PIGR: variants seen among roughly 807,000 people sequenced by gnomAD.
The protein encoded by PIGR is hepatocellular carcinoma associated protein TB6.
PIGR carries 22 observed loss-of-function variants against 69.5 expected under a neutral mutation model. That is an observed-to-expected ratio of 0.32 (90% CI 0.23 to 0.45). The LOEUF (loss-of-function observed/expected upper bound fraction) is 0.45. Ranked by LOEUF, PIGR falls within the 20% of genes least tolerant of loss-of-function variation. The pLI, the probability that PIGR is intolerant of heterozygous loss-of-function variation, is 1.00. For synonymous variants in PIGR, 413 were observed against 407.6 expected (o/e 1.01, Z -0.16); for missense variants, 885 against 974.0 (o/e 0.91, Z 1.22).
At chr1:206,941,736 A>G (rs917406497) in intron 1 of PIGR, among the ~76,000 whole-genome samples, 2 of 152,162 alleles carry the variant, frequency 1.3e-5, no homozygotes, top group Non-Finnish European at 2.9e-5. Context: ...GGCTGAGGAG[A>G]GTTGAGGGTC....
rs774458885 is a variant in PIGR, at chr1:206,933,091, A to G, written c.1781T>C (p.Ile594Thr). The change falls in exon 7 of 11, where the codon ATT becomes ACT. Residue 594 changes from isoleucine (I) to threonine (T), a missense_variant. Coordinates refer to ENST00000356495, the MANE Select transcript of PIGR (RefSeq NM_002644.4). ...GGGATCCTGAATGGCTTTGTTCTCA[A>G]TCTCCCGAAAACCAGAGTCTAGCAC... Reference protein sequence around the residue: ...EKVLDSGFREIENKAIQDPRL... With the variant: ...EKVLDSGFRETENKAIQDPRL... 1.2e-6 allele frequency: 2 copies of G among 1,614,032 alleles called. No individual in the cohort carries two copies. The highest frequency in any genetic ancestry group is 1.1e-5 in the South Asian group (1 of 91,064).
At chr1:206,934,814 T>C in intron 5 of PIGR, 68 bp from the exon 6 acceptor site, 1 of 1,122,796 alleles carries the variant, frequency 8.9e-7, no homozygotes, top group Non-Finnish European at 1.3e-6. Context: ...GGGAAGTGAC[T>C]CTGGTGGGAA....
chr1:206,930,376 A>G lies in PIGR; in HGVS notation c.2237T>C (p.Phe746Ser). The G allele has an allele frequency of 1.2e-6, 2 of 1,613,012 alleles. No individual in the cohort carries two copies. Among genetic ancestry groups the G allele is most frequent in the Non-Finnish European group, 1.7e-6 (2 of 1,179,496 alleles). Residue 746 changes from phenylalanine to serine, a missense_variant, in exon 11 of 11, where the codon TTC becomes TCC. Phe to Ser is a radical substitution (Grantham distance 155). Transcript: ENST00000356495. This position sits in a 1 kb window ranked among gnomAD's most constrained non-coding sequence, Gnocchi z 4.3. Reference protein sequence around the residue: ...KEEAEMAYKDFLLQSSTVAAE... With the variant: ...KEEAEMAYKDSLLQSSTVAAE... Reference sequence around the variant, plus strand: ...GGCCACGGTGCTGGACTGGAGCAGGAAGTCTTTGTAGGCCATCTCGGCTTC... The same window carrying G: ...GGCCACGGTGCTGGACTGGAGCAGGGAGTCTTTGTAGGCCATCTCGGCTTC...
At chr1:206,934,180 G>A (rs1182471754) in intron 6 of PIGR, among the ~76,000 whole-genome samples, 3 of 152,118 alleles carry the variant, frequency 2.0e-5, no homozygotes, top group Non-Finnish European at 4.4e-5. Context: ...TCTTAATGCC[G>A]AGGTTAAATA....
intron 10 of PIGR, 146 bp downstream of exon 10, chr1:206,931,351 T>A: frequency 6.5e-7 from 1 of 1,544,102 alleles, no homozygotes; most frequent in Non-Finnish European, 8.7e-7. Context: ...CCTCAAAAAG[T>A]CCTGAGGACT....
intron 1 of PIGR, among the ~76,000 whole-genome samples, chr1:206,940,936 G>A (rs757580750): frequency 6.6e-5 from 10 of 152,162 alleles, no homozygotes; most frequent in Non-Finnish European, 1.5e-4. Context: ...CTACCAATAC[G>A]TGGCCCCCAT....
chr1:206,940,556 C>T lies in PIGR; in HGVS notation c.-25G>A. ...TTGCTGGTGGGTCCCGAGCGCCGCACCACTCAGGCCGACTTCTCCTGTGCA... is the reference window on the plus strand; with the variant it reads ...TTGCTGGTGGGTCCCGAGCGCCGCATCACTCAGGCCGACTTCTCCTGTGCA... On this transcript the variant is annotated 5_prime_UTR_variant, in exon 2 of 11. It adds an upstream start codon to the 5' untranslated region. Transcript: ENST00000356495. 6.5e-7 allele frequency: 1 copy of T among 1,547,604 alleles called. No individual in the cohort carries two copies. The highest frequency in any genetic ancestry group is 8.7e-7 in the Non-Finnish European group (1 of 1,145,248).
intron 5 of PIGR, 128 bp from the exon 6 acceptor site, chr1:206,934,874 T>A: frequency 1.8e-6 from 1 of 569,512 alleles, no homozygotes; most frequent in Non-Finnish European, 2.8e-6. Flanking sequence ...TGTTTTTGTT[T>A]TTGAGACAAG....
chr1:206,936,379 A>G (rs2102600010), intron 4 of PIGR, among the ~76,000 whole-genome samples: 1 of 152,290 alleles, frequency 6.6e-6, no homozygotes, highest in East Asian at 1.9e-4. Context: ...GATGCAGGGG[A>G]TTCTGGTGAA....
rs1451433600 is a variant in PIGR, at chr1:206,931,265, A to AGCCTAAT, written c.2199+225_2199+231dup. 21 of 985,306 alleles carry AGCCTAAT rather than the reference A, an allele frequency of 2.1e-5. No individual in the cohort carries two copies. In the African/African-American group the frequency reaches 3.7e-4, roughly 17 times the overall value. The allele number at this position is 985,306 out of a possible 1,614,324, so 61.0% of individuals were successfully genotyped here. A position where few individuals can be genotyped will look rare whatever the true frequency, so the allele number is the denominator to read the frequency against. On this transcript the variant is annotated intron_variant, in intron 10 of 10. Transcript: ENST00000356495. ...GCCTGCCTCTCTCCTGCAGTTTTAC[A>AGCCTAAT]GCCTAATCATATAGCTCACCTCCTT...
Position 206,935,661 on chromosome 1 carries a change from G to A in PIGR, c.1203C>T (p.Ser401=), listed in dbSNP as rs769827919. 11 of 1,613,814 alleles carry A rather than the reference G, an allele frequency of 6.8e-6. No homozygotes were observed. The highest frequency in any genetic ancestry group is 1.6e-4 in the Middle Eastern group (1 of 6,084). Reference sequence around the variant, plus strand: ...CGTACTGGGCCTTAACCCACCCCTCGCTGTCCACCAGCAGGGGGCAGCGGC... The same window carrying A: ...CGTACTGGGCCTTAACCCACCCCTCACTGTCCACCAGCAGGGGGCAGCGGC... ...QNGRCPLLVD[S]EGWVKAQYEG... The change falls in exon 5 of 11, where the codon AGC becomes AGT. Residue 401 remains serine (S), a synonymous_variant. Transcript: ENST00000356495. The surrounding 1 kb of genome is among the most constrained non-coding windows in gnomAD (Gnocchi z 4.4).
At position 206,930,661 on chromosome 1, in the gene PIGR, C is replaced by T. The variant is rs760390237; in HGVS notation, c.2200-248G>A. The T allele has an allele frequency of 2.4e-4, 236 of 985,250 alleles. No individual in the cohort carries two copies. The highest frequency in any genetic ancestry group is 2.5e-4 in the Non-Finnish European group (208 of 829,934). 61.0% of individuals were successfully genotyped at this position (985,250 alleles called of 1,614,324 possible). On this transcript the variant is annotated intron_variant, in intron 10 of 10. Coordinates refer to ENST00000356495, the MANE Select transcript of PIGR (RefSeq NM_002644.4). This position sits in a 1 kb window ranked among gnomAD's most constrained non-coding sequence, Gnocchi z 4.3. ...CTCCTTCTGACACACGGAGTGGAAC[C>T]GCCTCTGTTGCCCGGGCCTGTCCCC... is the stretch of plus-strand genomic sequence containing the variant.
chr1:206,934,905 C>T (rs182640952), intron 5 of PIGR, among the ~76,000 whole-genome samples, 159 bp from the exon 6 acceptor site: 1 of 152,222 alleles, frequency 6.6e-6, no homozygotes, highest in East Asian at 1.9e-4. Context: ...GTCACCCAGG[C>T]TGGAGGGTAG....
chr1:206,934,288 C>A (rs1352998642), intron 6 of PIGR, 132 bp downstream of exon 6: 2 of 717,710 alleles, frequency 2.8e-6, no homozygotes, highest in East Asian at 5.4e-5. Flanking sequence ...CCCCTCCCTT[C>A]CCACTCTCCA....
rs142783924 is a variant in PIGR at position 206,932,488 on chromosome 1, C to G, written c.1976G>C (p.Gly659Ala). 12 of 1,612,896 alleles carry G rather than the reference C, an allele frequency of 7.4e-6. No individual in the cohort carries two copies. In the African/African-American group the frequency reaches 1.3e-4, roughly 18 times the overall value. Residue 659 changes from glycine to alanine, a missense_variant, in exon 8 of 11, where the codon GGG becomes GCG. Transcript: ENST00000356495. ...CTTCCTGTGCCGGGCTCTGGCCACC[C>G]CCACAGCCACGGCTCCCACTGCCAG... ...LVLAVGAVAV[G>A]VARARHRKNV...
Position 206,930,502 on chromosome 1 carries a change from C to A in PIGR, c.2200-89G>T. 6.8e-7 allele frequency: 1 copy of A among 1,473,492 alleles called. No homozygotes were observed. Among genetic ancestry groups the A allele is most frequent in the South Asian group, 1.4e-5 (1 of 71,004 alleles). 91.3% of individuals were successfully genotyped at this position (1,473,492 alleles called of 1,614,324 possible). On this transcript the variant is annotated intron_variant, in intron 10 of 10. Transcript: ENST00000356495. The surrounding 1 kb of genome is among the most constrained non-coding windows in gnomAD (Gnocchi z 4.3). The stretch of plus-strand genomic sequence containing the variant: ...GGGGAGGTGCTTAATGTCCTGAATT[C>A]GTGATCTTGGTCCAAGCAACACAAG...
At chr1:206,942,222 T>C (rs975961724) in intron 1 of PIGR, among the ~76,000 whole-genome samples, 13 of 152,202 alleles carry the variant, frequency 8.5e-5, no homozygotes, top group African/African-American at 3.1e-4. Flanking sequence ...CCCAGACCTT[T>C]CTTACCAGGT....
intron 6 of PIGR, among the ~76,000 whole-genome samples, chr1:206,933,912 T>C (rs1440868380): frequency 6.6e-6 from 1 of 151,834 alleles, no homozygotes; most frequent in Non-Finnish European, 1.5e-5. Context: ...CTCTGTTGCC[T>C]AGGCTAGAGT....
At position 206,930,863 on chromosome 1, in the gene PIGR, A is replaced by G. The variant is rs893661350; in HGVS notation, c.2200-450T>C. On this transcript the variant is annotated intron_variant, in intron 10 of 10. Transcript: ENST00000356495. This position sits in a 1 kb window ranked among gnomAD's most constrained non-coding sequence, Gnocchi z 4.3. ...CTTTGCTAAATGCCAGAGATGTTTCAAGAAAAAGTAGATATGATAAAAACA... is the reference window on the plus strand; with the variant it reads ...CTTTGCTAAATGCCAGAGATGTTTCGAGAAAAAGTAGATATGATAAAAACA... 2 of 985,328 alleles carry G rather than the reference A, an allele frequency of 2.0e-6. No homozygotes were observed. Among genetic ancestry groups the G allele is most frequent in the Non-Finnish European group, 2.4e-6 (2 of 829,942 alleles). The allele number at this position is 985,328 out of a possible 1,614,324, so 61.0% of individuals were successfully genotyped here.
Sources: allele counts gnomAD v4.1 joint callset (sites outside exome capture counted in the v4.1 genomes callset), GRCh38; gene constraint gnomAD v4.1.1; non-coding constraint Gnocchi (gnomAD v3.1); transcripts MANE v1.5; gene names NCBI Gene and HGNC (gene_info 2026-07-23, HGNC 2026-07-21).